The following ATRIP variants were observed in gnomAD, a reference collection of about 807,000 sequenced individuals.
ATRIP encodes the protein ATR-interacting protein.
A neutral mutation model predicts 78.1 loss-of-function variants in ATRIP; 44 were observed. That is an observed-to-expected ratio of 0.56 (90% CI 0.44 to 0.72). The LOEUF is 0.72. Ranked by LOEUF, ATRIP falls within the 30% of genes least tolerant of loss-of-function variation. The probability of loss-of-function intolerance (pLI) is 0.00; values close to 1 mark genes in which losing one functional copy is unlikely to be tolerated. For missense variants in ATRIP, 927 were observed against 980.2 expected, an observed-to-expected ratio of 0.95 and a Z score of 0.72; for synonymous variants, 388 against 408.9, an observed-to-expected ratio of 0.95 and a Z score of 0.62.
rs147463121 is a variant in ATRIP at position 48,466,679 on chromosome 3, G to C, written c.*1125G>C. The C allele has an allele frequency of 6.2e-7, 1 of 1,613,506 alleles. No homozygotes were observed. The highest frequency in any genetic ancestry group is 8.5e-7 in the Non-Finnish European group (1 of 1,179,936). On this transcript the variant is annotated 3_prime_UTR_variant, in exon 13 of 13. Transcript: ENST00000320211. ...CCATGGGCTCGCAGGCCCTGCCCCC[G>C]GGGCCCATGCAGACCCTCATCTTTT...
At position 48,466,706 on chromosome 3, in the gene ATRIP, C is replaced by T. The variant is rs1252848366; in HGVS notation, c.*1152C>T. ...GGCCCATGCAGACCCTCATCTTTTT[C>T]GACATGGAGGCCACTGGCTTGCCCT... On this transcript the variant is annotated 3_prime_UTR_variant, in exon 13 of 13. Transcript: ENST00000320211. 6 of 1,614,054 alleles carry T rather than the reference C, an allele frequency of 3.7e-6. No individual in the cohort carries two copies. In the South Asian group the frequency reaches 4.4e-5, roughly 12 times the overall value.
rs1242346820 is a variant in ATRIP at position 48,458,125 on chromosome 3, TG to T, written c.829+711del. 2.0e-5 allele frequency among the ~76,000 whole-genome samples: 3 copies of T among 150,012 alleles called. No individual in the cohort carries two copies. In the Admixed American group the frequency reaches 2.0e-4, roughly 10 times the overall value. ...CGGAGTCTCACCCTGTCACCCAGGC[TG>T]GAGTGCAATGGCACGATCTCAGCTC... is the stretch of plus-strand genomic sequence containing the variant. On this transcript the variant is annotated intron_variant, in intron 5 of 12. Transcript: ENST00000320211.
chr3:48,454,153 GT>G (rs2039898752), intron 3 of ATRIP, 146 bp from the exon 4 acceptor site: 2 of 594,902 alleles, frequency 3.4e-6, no homozygotes, highest in Non-Finnish European at 6.1e-6. Context: ...GAAAGCTAAT[GT>G]TTAATATTTT....
intron 2 of ATRIP, chr3:48,450,560 A>AT: frequency 7.8e-7 from 1 of 1,280,024 alleles, no homozygotes; most frequent in South Asian, 1.3e-5. Flanking sequence ...AATATGTGGA[A>AT]TTTTAGTTGT....
chr3:48,450,263 AGT>A (rs761592490), intron 2 of ATRIP, 93 bp downstream of exon 2: 142 of 1,440,378 alleles, frequency 9.9e-5, no homozygotes, highest in Non-Finnish European at 1.2e-4. Context: ...TTGTAAAACA[AGT>A]GTCTAGATTC....
At chr3:48,447,583 C>T (rs2039713144) in intron 1 of ATRIP, 1 of 964,416 alleles carries the variant, frequency 1.0e-6, no homozygotes, top group African/African-American at 1.8e-5. Context: ...GGTGCCCAAA[C>T]GTGAGGAACT....
Position 48,466,770 on chromosome 3 carries a change from G to C in ATRIP, c.*1216G>C, listed in dbSNP as rs145434330. The C allele has an allele frequency of 1.2e-6, 2 of 1,613,806 alleles. No homozygotes were observed. The highest frequency in any genetic ancestry group is 2.7e-5 in the African/African-American group (2 of 74,906). ...GGTCACGGAGCTGTGCCTGCTGGCT[G>C]TCCACAGATGTGCCCTGGAGAGCCC... On this transcript the variant is annotated 3_prime_UTR_variant, in exon 13 of 13. Transcript: ENST00000320211.
chr3:48,467,183 C>G lies in ATRIP; in HGVS notation c.*1629C>G, dbSNP rs762867718. On this transcript the variant is annotated 3_prime_UTR_variant, in exon 13 of 13. Transcript: ENST00000320211. ...CCTCAGAACACGGCCCAAGGAAGAGCTATAGCCTAGGCAGCATCTACACTC... is the reference window on the plus strand; with the variant it reads ...CCTCAGAACACGGCCCAAGGAAGAGGTATAGCCTAGGCAGCATCTACACTC... The G allele has an allele frequency of 1.9e-6, 3 of 1,613,920 alleles. No individual in the cohort carries two copies. The highest frequency in any genetic ancestry group is 2.2e-5 in the South Asian group (2 of 91,074).
intron 1 of ATRIP, among the ~76,000 whole-genome samples, chr3:48,448,545 C>G (rs1025457155): frequency 2.0e-5 from 3 of 152,230 alleles, no homozygotes; most frequent in African/African-American, 7.2e-5. Flanking sequence ...GACCAGAATC[C>G]TTAACATGGC....
rs766240937 is a variant in ATRIP, at chr3:48,460,088, TTTTC to T, written c.1056-18_1056-15del. 6.3e-6 allele frequency: 10 copies of T among 1,593,460 alleles called. No individual in the cohort carries two copies. The highest frequency in any genetic ancestry group is 1.3e-5 in the African/African-American group (1 of 74,174). On this transcript the variant is annotated intron_variant, in intron 7 of 12. Transcript: ENST00000320211. ...TATCTCCATCCCACACTTAATCTAT[TTTTC>T]TTTGTGTTTGTTGCCAGTACCTTGG... is the stretch of plus-strand genomic sequence containing the variant.
chr3:48,457,127 T>A (rs1321721890), intron 4 of ATRIP, 132 bp from the exon 5 acceptor site: 1 of 700,688 alleles, frequency 1.4e-6, no homozygotes, highest in East Asian at 3.2e-5. Context: ...ATGGTAGACA[T>A]ATAATAGATA....
rs750055332 is a variant in ATRIP at position 48,463,891 on chromosome 3, G to T, written c.1882+10G>T. On this transcript the variant is annotated intron_variant, in intron 9 of 12. Coordinates refer to ENST00000320211, the MANE Select transcript of ATRIP (RefSeq NM_130384.3). The stretch of plus-strand genomic sequence containing the variant: ...CTCTGTTCCCACTCAGGTAAAGCAG[G>T]GTGGGGCGGGCGTCTAGACTGCTCC... The T allele has an allele frequency of 6.2e-7, 1 of 1,613,938 alleles. No homozygotes were observed. The highest frequency in any genetic ancestry group is 1.1e-5 in the South Asian group (1 of 91,084).
chr3:48,459,726 T>C lies in ATRIP; in HGVS notation c.926-61T>C. The C allele has an allele frequency of 1.9e-6, 3 of 1,588,776 alleles. No homozygotes were observed. In the East Asian group the frequency reaches 6.7e-5, roughly 35 times the overall value. ...CCAAAGAATCCTTACTGTTTCCTTC[T>C]GAAAGCCACCGAAAAGATCTCCCAT... On this transcript the variant is annotated intron_variant, in intron 6 of 12. Transcript: ENST00000320211.
chr3:48,447,874 C>T (rs2039722345), intron 1 of ATRIP, among the ~76,000 whole-genome samples: 1 of 152,188 alleles, frequency 6.6e-6, no homozygotes, highest in South Asian at 2.1e-4. Context: ...ACTCTCCATC[C>T]AGTGGCACAA....
At chr3:48,462,403 A>C (rs1273183779) in intron 8 of ATRIP, among the ~76,000 whole-genome samples, 1 of 151,652 alleles carries the variant, frequency 6.6e-6, no homozygotes, top group Non-Finnish European at 1.5e-5. Flanking sequence ...ATAAAATTTC[A>C]TTTAAAGAGG....
Position 48,464,887 on chromosome 3 carries a change from A to G in ATRIP, c.2112A>G (p.Ala704=), listed in dbSNP as rs2040229878. Residue 704 remains alanine, a synonymous_variant, in exon 12 of 13, where the codon GCA becomes GCG. Coordinates refer to ENST00000320211, the MANE Select transcript of ATRIP (RefSeq NM_130384.3). ...LHRQWLTVRR[A]GGPPRTDQQR... is the part of the protein sequence containing the mutation. ...GACAGTGGCTGACAGTGCGGAGGGC[A>G]GGGGGACCCCCAAGGACCGACCAGC... 3 of 1,613,956 alleles carry G rather than the reference A, an allele frequency of 1.9e-6. No homozygotes were observed. The highest frequency in any genetic ancestry group is 2.5e-6 in the Non-Finnish European group (3 of 1,179,926).
chr3:48,459,647 G>T, intron 6 of ATRIP, 140 bp from the exon 7 acceptor site: 2 of 1,239,058 alleles, frequency 1.6e-6, no homozygotes, highest in Non-Finnish European at 2.3e-6. Context: ...AGAGCCTTCC[G>T]CACCCACAGG....
rs79879184 is a variant in ATRIP at position 48,462,209 on chromosome 3, A to G, written c.1745+1410A>G. The stretch of plus-strand genomic sequence containing the variant: ...TAGCCAGGCATGGTGGCAGTGAGCT[A>G]TGACCATGCCACTGCACTCCAGCCT... On this transcript the variant is annotated intron_variant, in intron 8 of 12. Coordinates refer to ENST00000320211, the MANE Select transcript of ATRIP (RefSeq NM_130384.3). Among the ~76,000 whole-genome samples the G allele has an allele frequency of 8.1e-3, 1,227 of 151,952 alleles. 8 individuals are homozygous for G. The highest frequency in any genetic ancestry group is 0.014 in the Non-Finnish European group (927 of 67,932).
chr3:48,452,870 A>ATTT (rs71074246), intron 3 of ATRIP, among the ~76,000 whole-genome samples: 4 of 117,492 alleles, frequency 3.4e-5, no homozygotes, highest in African/African-American at 9.8e-5. Flanking sequence ...AAATTATTGA[A>ATTT]TTTTTTTTTT....
Sources: gnomAD v4.1 joint callset for allele counts (sites outside exome capture counted in the v4.1 genomes callset) on GRCh38, gnomAD v4.1.1 for gene constraint, MANE v1.5 for transcripts, NCBI Gene and HGNC (gene_info 2026-07-23, HGNC 2026-07-21) for gene names.